Variants in RPRD1B observed in about 807,000 individuals in gnomAD.
The protein encoded by RPRD1B is regulation of nuclear pre-mRNA domain containing 1B.
Under a neutral mutation model 41.5 loss-of-function variants are expected in RPRD1B, and 11 were observed. The observed-to-expected ratio is 0.27, with a 90% CI of 0.17 to 0.44. The LOEUF (loss-of-function observed/expected upper bound fraction) is 0.44. RPRD1B is among the 20% of genes least tolerant of loss of function. The pLI, the probability that RPRD1B is intolerant of heterozygous loss-of-function variation, is 1.00. For synonymous variants in RPRD1B, 158 were observed against 155.6 expected (o/e 1.02, Z -0.12); for missense variants, 248 against 389.9 (o/e 0.64, Z 3.06).
chr20:38,086,784 G>A (rs1385867869), intron 6 of RPRD1B, among the ~76,000 whole-genome samples: 3 of 152,162 alleles, frequency 2.0e-5, no homozygotes, highest in Admixed American at 2.0e-4. Flanking sequence ...GGCAGGATCC[G>A]TCCACTTCCA....
At chr20:38,062,294 T>C (rs1288748053) in intron 5 of RPRD1B, among the ~76,000 whole-genome samples, 1 of 152,188 alleles carries the variant, frequency 6.6e-6, no homozygotes, top group Non-Finnish European at 1.5e-5. Flanking sequence ...AGCCCCCTTC[T>C]TTAGCTGGTT....
intron 6 of RPRD1B, among the ~76,000 whole-genome samples, chr20:38,068,348 A>G (rs1297690498): frequency 6.6e-6 from 1 of 152,200 alleles, no homozygotes; most frequent in Non-Finnish European, 1.5e-5. Context: ...TATTGTAAAA[A>G]ATAGAGCCGA....
At chr20:38,064,864 T>C (rs1011717731) in intron 5 of RPRD1B, among the ~76,000 whole-genome samples, 3 of 152,000 alleles carry the variant, frequency 2.0e-5, no homozygotes, top group Non-Finnish European at 4.4e-5. Context: ...CGGGGGCCTG[T>C]ACTCCCAGCT....
chr20:38,091,342 A>G lies in RPRD1B; in HGVS notation c.*1467A>G. 1 of 985,480 alleles carries G rather than the reference A, an allele frequency of 1.0e-6. No individual in the cohort carries two copies. The highest frequency in any genetic ancestry group is 5.2e-4 in the Middle Eastern group (1 of 1,912). The allele number at this position is 985,480 out of a possible 1,614,324, so 61.0% of individuals were successfully genotyped here. ...ACACATTGAAACATAACCTATGTTT[A>G]TAAAGCATAACGGGCTTCCCTTCCA... On this transcript the variant is annotated 3_prime_UTR_variant, in exon 7 of 7. Coordinates refer to ENST00000373433, the MANE Select transcript of RPRD1B (RefSeq NM_021215.4).
chr20:38,079,854 G>A (rs2122762431), intron 6 of RPRD1B, among the ~76,000 whole-genome samples: 1 of 152,254 alleles, frequency 6.6e-6, no homozygotes, highest in South Asian at 2.1e-4. Flanking sequence ...CTTTATAAGT[G>A]TTCCTTTTTC....
intron 1 of RPRD1B, 58 bp downstream of exon 1, chr20:38,034,156 C>T: frequency 1.3e-6 from 2 of 1,552,556 alleles, no homozygotes; most frequent in Admixed American, 3.7e-5. Context: ...CGCCCACATA[C>T]AACCTAGGCC....
At chr20:38,070,201 G>A in intron 6 of RPRD1B, 14 of 984,844 alleles carry the variant, frequency 1.4e-5, no homozygotes, top group Non-Finnish European at 1.7e-5. Context: ...TTTTTTGTTT[G>A]TTTGTTTTTG....
chr20:38,088,094 T>G (rs567983750), intron 6 of RPRD1B, among the ~76,000 whole-genome samples: 7 of 152,296 alleles, frequency 4.6e-5, no homozygotes, highest in Admixed American at 2.0e-4. Flanking sequence ...TCTACCCTTT[T>G]CTCTTCCTTT....
intron 3 of RPRD1B, among the ~76,000 whole-genome samples, chr20:38,050,448 A>G (rs1213066159): frequency 6.6e-6 from 1 of 152,174 alleles, no homozygotes; most frequent in Non-Finnish European, 1.5e-5. Flanking sequence ...GCTTTGGGGA[A>G]TTACTCAGCA....
intron 1 of RPRD1B, among the ~76,000 whole-genome samples, chr20:38,039,718 T>C (rs1387600135): frequency 6.7e-6 from 1 of 148,858 alleles, no homozygotes; most frequent in Non-Finnish European, 1.5e-5. Flanking sequence ...CATTTTAAAA[T>C]TGAAACCTAA....
At chr20:38,068,400 G>A (rs2074379401) in intron 6 of RPRD1B, among the ~76,000 whole-genome samples, 1 of 152,118 alleles carries the variant, frequency 6.6e-6, no homozygotes, top group Admixed American at 6.6e-5. Flanking sequence ...TACAGTATAA[G>A]GTTTTTTTCT....
At chr20:38,085,328 C>G (rs983133879) in intron 6 of RPRD1B, 1 of 152,036 alleles carries the variant, frequency 6.6e-6, no homozygotes, top group African/African-American at 2.4e-5. Context: ...GGCAGGGGAG[C>G]GTGGGTGTTG....
intron 6 of RPRD1B, among the ~76,000 whole-genome samples, chr20:38,076,984 T>G (rs1485031799): frequency 5.1e-5 from 7 of 136,738 alleles, no homozygotes; most frequent in African/African-American, 2.0e-4. Flanking sequence ...TGGTGCGATC[T>G]GGACTCACTG....
intron 5 of RPRD1B, among the ~76,000 whole-genome samples, chr20:38,065,080 A>G (rs6022752): frequency 0.033 from 4,954 of 152,318 alleles, 266 homozygotes; most frequent in African/African-American, 0.11. Context: ...GTGTATTTAC[A>G]TAAGTGTATT....
intron 2 of RPRD1B, among the ~76,000 whole-genome samples, chr20:38,040,915 A>G (rs1257527850): frequency 6.6e-6 from 1 of 152,258 alleles, no homozygotes; most frequent in African/African-American, 2.4e-5. Flanking sequence ...TTTTAGTAAC[A>G]TAACTTAATA....
In RPRD1B at chr20:38,090,019, C is replaced by T. The variant is rs2074599602; in HGVS notation, c.*144C>T. On this transcript the variant is annotated 3_prime_UTR_variant, in exon 7 of 7. Transcript: ENST00000373433. The stretch of plus-strand genomic sequence containing the variant: ...CAAGAAAGAACCTCAGACTCTGATT[C>T]TCCTCTTCAGCCTCTCATCTTGAGC... The T allele has an allele frequency of 6.9e-7, 1 of 1,440,276 alleles. No homozygotes were observed. The highest frequency in any genetic ancestry group is 1.4e-5 in the African/African-American group (1 of 70,162). 89.2% of individuals were successfully genotyped at this position (1,440,276 alleles called of 1,614,324 possible). A position where few individuals can be genotyped will look rare whatever the true frequency, so the allele number is the denominator to read the frequency against.
chr20:38,045,546 G>A (rs1486594057), intron 2 of RPRD1B, among the ~76,000 whole-genome samples: 3 of 152,148 alleles, frequency 2.0e-5, no homozygotes, highest in Non-Finnish European at 4.4e-5. Flanking sequence ...TTGGCCTTTA[G>A]TAGTAAAAGC....
intron 6 of RPRD1B, 41 bp downstream of exon 6, chr20:38,066,297 C>G: frequency 6.3e-7 from 1 of 1,582,880 alleles, no homozygotes; most frequent in Non-Finnish European, 8.6e-7. Context: ...CCACGTTTCC[C>G]TTCCTGTAGC....
Position 38,091,392 on chromosome 20 carries a change from T to G in RPRD1B, c.*1517T>G, listed in dbSNP as rs998127541. The stretch of plus-strand genomic sequence containing the variant: ...AGAAGCTCTCCTGCTTGTCATGAAG[T>G]GAGAACAATGAAAAGTCATAGCAGA... On this transcript the variant is annotated 3_prime_UTR_variant, in exon 7 of 7. Coordinates refer to ENST00000373433, the MANE Select transcript of RPRD1B (RefSeq NM_021215.4). 1 of 985,314 alleles carries G rather than the reference T, an allele frequency of 1.0e-6. No homozygotes were observed. Among genetic ancestry groups the G allele is most frequent in the Non-Finnish European group, 1.2e-6 (1 of 829,862 alleles). The allele number at this position is 985,314 out of a possible 1,614,324, so 61.0% of individuals were successfully genotyped here.
Sources: gnomAD v4.1 joint callset for allele counts (sites outside exome capture counted in the v4.1 genomes callset) on GRCh38, gnomAD v4.1.1 for gene constraint, MANE v1.5 for transcripts, NCBI Gene and HGNC (gene_info 2026-07-23, HGNC 2026-07-21) for gene names.